The following DPP10 variants were observed in gnomAD, a reference collection of about 807,000 sequenced individuals.
DPP10 encodes the protein inactive dipeptidyl peptidase 10.
A neutral mutation model predicts 120.9 loss-of-function variants in DPP10; 33 were observed. The observed-to-expected ratio is 0.27, with a 90% CI of 0.21 to 0.37. The LOEUF (loss-of-function observed/expected upper bound fraction) is 0.37. DPP10 is among the 10% of genes least tolerant of loss of function. The probability of loss-of-function intolerance (pLI) is 1.00; values close to 1 mark genes in which losing one functional copy is unlikely to be tolerated. For missense variants in DPP10, 816 were observed against 942.8 expected (o/e 0.87, Z 1.76); for synonymous variants, 337 against 326.1 (o/e 1.03, Z -0.36).
intron 1 of DPP10, among the ~76,000 whole-genome samples, chr2:114,560,575 G>A (rs1192764239): frequency 2.0e-5 from 3 of 152,094 alleles, no homozygotes; most frequent in African/African-American, 7.2e-5. Context: ...TCCTGGGTGA[G>A]GAGAGAGTGG....
At chr2:115,530,350 A>G (rs949930092) in intron 5 of DPP10, among the ~76,000 whole-genome samples, 3 of 152,116 alleles carry the variant, frequency 2.0e-5, no homozygotes, top group African/African-American at 7.2e-5. Flanking sequence ...ACATCATGTT[A>G]TGTATCATAT....
intron 1 of DPP10, among the ~76,000 whole-genome samples, chr2:114,719,192 C>T (rs1701546273): frequency 6.6e-6 from 1 of 152,156 alleles, no homozygotes; most frequent in Non-Finnish European, 1.5e-5. Flanking sequence ...TTCAATTTAG[C>T]TACACCTGTG....
chr2:115,341,812 TA>T (rs1559454962), intron 2 of DPP10, among the ~76,000 whole-genome samples: 3 of 152,146 alleles, frequency 2.0e-5, no homozygotes, highest in African/African-American at 7.2e-5. Flanking sequence ...AATAACTCAT[TA>T]AAAAAATGTA....
At chr2:115,461,570 A>G (rs906852441) in intron 3 of DPP10, among the ~76,000 whole-genome samples, 3 of 152,150 alleles carry the variant, frequency 2.0e-5, no homozygotes, top group African/African-American at 2.4e-5. Flanking sequence ...CTGTGAAGTA[A>G]TGGATGTCTT....
At position 114,701,215 on chromosome 2, in the gene DPP10, A is replaced by G. The variant is rs1400297625; in HGVS notation, c.60+258377A>G. Among the ~76,000 whole-genome samples, 3 of 152,144 alleles carry G rather than the reference A, an allele frequency of 2.0e-5. No individual in the cohort carries two copies. The East Asian group carries it at 5.8e-4, about 29-fold the overall frequency. On this transcript the variant is annotated intron_variant, in intron 1 of 25. Coordinates refer to ENST00000410059, the MANE Select transcript of DPP10 (RefSeq NM_020868.6). The stretch of plus-strand genomic sequence containing the variant: ...TGCTAACATTTGTGGAGTGCTTTCT[A>G]TATGCCAGGTGCCATGCTTAATGCT...
At chr2:115,493,460 G>A (rs1331192989) in intron 3 of DPP10, among the ~76,000 whole-genome samples, 1 of 151,048 alleles carries the variant, frequency 6.6e-6, no homozygotes, top group African/African-American at 2.4e-5. Context: ...TTAGTTGAAT[G>A]TTTAAGAATC....
chr2:115,667,084 T>G (rs1372455199), intron 5 of DPP10, among the ~76,000 whole-genome samples: 1 of 152,218 alleles, frequency 6.6e-6, no homozygotes, highest in East Asian at 1.9e-4. Context: ...CATTGTTATA[T>G]TTGCTTTTCT....
intron 1 of DPP10, among the ~76,000 whole-genome samples, chr2:114,671,784 T>C (rs952609168): frequency 6.6e-6 from 1 of 152,164 alleles, no homozygotes; most frequent in African/African-American, 2.4e-5. Flanking sequence ...TGTGTGCGTT[T>C]ATTCGTACAG....
At chr2:115,386,966 G>C (rs1949402) in intron 3 of DPP10, among the ~76,000 whole-genome samples, 120,810 of 151,948 alleles carry the variant, frequency 0.8, 48,168 homozygotes, top group Non-Finnish European at 0.83. Flanking sequence ...TTTAAAGAGT[G>C]CTAAATTCAG....
At chr2:114,790,697 GC>G (rs1286143998) in intron 1 of DPP10, among the ~76,000 whole-genome samples, 3 of 152,132 alleles carry the variant, frequency 2.0e-5, no homozygotes, top group African/African-American at 2.4e-5. Context: ...CAGTGGGGGT[GC>G]TTTTTGAGCC....
intron 1 of DPP10, among the ~76,000 whole-genome samples, chr2:114,926,306 G>A (rs1412253157): frequency 1.3e-5 from 2 of 152,158 alleles, no homozygotes; most frequent in Non-Finnish European, 2.9e-5. Flanking sequence ...ATTTCCAAAG[G>A]TATTCACCAC....
intron 11 of DPP10, among the ~76,000 whole-genome samples, chr2:115,758,550 A>C (rs1679713414): frequency 6.6e-6 from 1 of 152,118 alleles, no homozygotes; most frequent in South Asian, 2.1e-4. Context: ...TTTTAATATA[A>C]TACCAATTAA....
intron 1 of DPP10, among the ~76,000 whole-genome samples, chr2:115,095,506 A>G (rs1709644865): frequency 6.6e-6 from 1 of 151,980 alleles, no homozygotes; most frequent in Non-Finnish European, 1.5e-5. Flanking sequence ...GAGACATTAG[A>G]CACAAGTAAG....
At chr2:115,539,137 T>C (rs1200033138) in intron 5 of DPP10, among the ~76,000 whole-genome samples, 1 of 151,928 alleles carries the variant, frequency 6.6e-6, no homozygotes, top group African/African-American at 2.4e-5. Flanking sequence ...CCTGGGATAC[T>C]CTAGCCAATT....
At chr2:115,506,853 A>G (rs895882650) in intron 4 of DPP10, among the ~76,000 whole-genome samples, 26 of 152,270 alleles carry the variant, frequency 1.7e-4, no homozygotes, top group African/African-American at 6.0e-4. Flanking sequence ...TGTGGTTTAC[A>G]TAGCTTTGTT....
chr2:115,690,874 C>T (rs1359418380), intron 7 of DPP10, among the ~76,000 whole-genome samples: 1 of 152,128 alleles, frequency 6.6e-6, no homozygotes, highest in Non-Finnish European at 1.5e-5. Flanking sequence ...GTGTTTACAC[C>T]TACCAGCAAT....
At chr2:115,060,351 G>T (rs1706305227) in intron 1 of DPP10, among the ~76,000 whole-genome samples, 1 of 152,070 alleles carries the variant, frequency 6.6e-6, no homozygotes, top group Non-Finnish European at 1.5e-5. Flanking sequence ...CTAGCAATTT[G>T]GGCGGCCGAG....
At chr2:114,594,852 T>A (rs1417411280) in intron 1 of DPP10, among the ~76,000 whole-genome samples, 1 of 152,050 alleles carries the variant, frequency 6.6e-6, no homozygotes, top group Non-Finnish European at 1.5e-5. Flanking sequence ...GCTCTCTGAC[T>A]CTGCTTACCT....
chr2:115,560,652 T>C (rs2080588528), intron 5 of DPP10, among the ~76,000 whole-genome samples: 1 of 151,136 alleles, frequency 6.6e-6, no homozygotes, highest in Non-Finnish European at 1.5e-5. Context: ...TCTCCTTCTC[T>C]TGCCCAGGCT....
Sources: gnomAD v4.1 joint callset for allele counts (sites outside exome capture counted in the v4.1 genomes callset) on GRCh38, gnomAD v4.1.1 for gene constraint, MANE v1.5 for transcripts, NCBI Gene and HGNC (gene_info 2026-07-23, HGNC 2026-07-21) for gene names.